OPN3: variants seen among roughly 807,000 people sequenced by gnomAD.
The protein encoded by OPN3 is opsin-3.
Under a neutral mutation model 33.8 loss-of-function variants are expected in OPN3, and 29 were observed. The observed-to-expected ratio is 0.86, with a 90% CI of 0.64 to 1.17. OPN3 has a LOEUF of 1.17. OPN3 is among the 50% of genes most tolerant of loss of function. The pLI, the probability that OPN3 is intolerant of heterozygous loss-of-function variation, is 0.00. For missense variants in OPN3, 437 were observed against 514.1 expected (o/e 0.85, Z 1.45); for synonymous variants, 216 against 216.1 (o/e 1.00, Z 0.00).
chr1:241,633,662 G>T, intron 1 of OPN3: 1 of 891,584 alleles, frequency 1.1e-6, no homozygotes. Flanking sequence ...ATGTCTGAGA[G>T]TTAAAGACAA....
intron 1 of OPN3, among the ~76,000 whole-genome samples, chr1:241,627,378 C>T (rs1307182828): frequency 6.6e-6 from 1 of 152,208 alleles, no homozygotes; most frequent in East Asian, 1.9e-4. Flanking sequence ...GCAAGCAAAG[C>T]GAAACAGTAG....
At chr1:241,621,541 A>C (rs927200197) in intron 1 of OPN3, among the ~76,000 whole-genome samples, 3 of 152,192 alleles carry the variant, frequency 2.0e-5, no homozygotes, top group Non-Finnish European at 4.4e-5. Context: ...CCTCAGAAGC[A>C]GCAGTGATAT....
chr1:241,612,666 T>G (rs1295606953), intron 1 of OPN3, among the ~76,000 whole-genome samples: 1 of 152,196 alleles, frequency 6.6e-6, no homozygotes, highest in East Asian at 1.9e-4. Flanking sequence ...CCTTAACTGC[T>G]CTATGGATAA....
chr1:241,594,064 C>T lies in OPN3; in HGVS notation c.*364G>A, dbSNP rs113897665. 2.0e-3 allele frequency: 453 copies of T among 230,076 alleles called. 1 individual carries two copies. Among genetic ancestry groups the T allele is most frequent in the African/African-American group, 8.5e-3 (369 of 43,236 alleles). The allele number at this position is 230,076 out of a possible 1,614,324, so 14.3% of individuals were successfully genotyped here. Reference sequence around the variant, plus strand: ...TCTAGCTACTTCACACATGTGTACGCGACAGTTATTTTTACAGTAAGGTAT... The same window carrying T: ...TCTAGCTACTTCACACATGTGTACGTGACAGTTATTTTTACAGTAAGGTAT... On this transcript the variant is annotated 3_prime_UTR_variant, in exon 4 of 4. Coordinates refer to ENST00000366554, the MANE Select transcript of OPN3 (RefSeq NM_014322.3).
intron 2 of OPN3, 124 bp downstream of exon 2, chr1:241,604,136 C>T: frequency 1.3e-6 from 1 of 786,792 alleles, no homozygotes; most frequent in Non-Finnish European, 2.1e-6. Context: ...GATGGGAAGT[C>T]CCCTAGAACT....
chr1:241,600,055 G>A (rs985077323), intron 2 of OPN3, among the ~76,000 whole-genome samples: 9 of 152,068 alleles, frequency 5.9e-5, no homozygotes, highest in African/African-American at 1.7e-4. Context: ...AGGTCCAATC[G>A]TTTTATCTGT....
At chr1:241,624,392 G>A (rs1326080881) in intron 1 of OPN3, among the ~76,000 whole-genome samples, 1 of 152,178 alleles carries the variant, frequency 6.6e-6, no homozygotes, top group Non-Finnish European at 1.5e-5. Flanking sequence ...TTCCTACATG[G>A]GGTGTTGTTC....
intron 1 of OPN3, among the ~76,000 whole-genome samples, chr1:241,610,626 A>T (rs2148006345): frequency 6.6e-6 from 1 of 152,360 alleles, no homozygotes; most frequent in Non-Finnish European, 1.5e-5. Flanking sequence ...CATGTCATAC[A>T]CATACTGTGT....
chr1:241,599,907 T>A (rs1663635904), intron 2 of OPN3, among the ~76,000 whole-genome samples: 2 of 152,206 alleles, frequency 1.3e-5, no homozygotes, highest in African/African-American at 4.8e-5. Flanking sequence ...GAACTAGATA[T>A]GAGACTAACA....
Position 241,640,052 on chromosome 1 carries a change from T to C in OPN3, c.203A>G (p.Lys68Arg). Reference sequence around the variant, plus strand: ...AGTGGGAGTGCGGAGCCGCTGGAACTTGTAGTAGAGGACGAGCACCAGCAG... The same window carrying C: ...AGTGGGAGTGCGGAGCCGCTGGAACCTGTAGTAGAGGACGAGCACCAGCAG... ...NNLLVLVLYY[K>R]FQRLRTPTHL... Residue 68 changes from lysine (K) to arginine (R), a missense_variant, in exon 1 of 4, where the codon AAG (lysine) becomes AGG (arginine). Physicochemically the swap from Lys to Arg is conservative, Grantham distance 26. Coordinates refer to ENST00000366554, the MANE Select transcript of OPN3 (RefSeq NM_014322.3). 1 of 1,612,710 alleles carries C rather than the reference T, an allele frequency of 6.2e-7. No individual in the cohort carries two copies. Among genetic ancestry groups the C allele is most frequent in the Non-Finnish European group, 8.5e-7 (1 of 1,179,484 alleles).
At chr1:241,635,254 A>T (rs1266545414) in intron 1 of OPN3, 10 of 1,613,878 alleles carry the variant, frequency 6.2e-6, no homozygotes, top group Middle Eastern at 1.7e-4. Flanking sequence ...ATTCCTCTAC[A>T]TCAGTTACTT....
chr1:241,606,588 A>C (rs1663838281), intron 1 of OPN3, among the ~76,000 whole-genome samples: 1 of 133,772 alleles, frequency 7.5e-6, no homozygotes, highest in Non-Finnish European at 1.6e-5. Context: ...TAAATAAATA[A>C]AATAAATAAA....
intron 1 of OPN3, among the ~76,000 whole-genome samples, chr1:241,611,266 G>C (rs1663983701): frequency 6.6e-6 from 1 of 151,988 alleles, no homozygotes; most frequent in African/African-American, 2.4e-5. Context: ...AAACAGAAGA[G>C]CGTGCTTCAA....
chr1:241,614,380 G>A (rs571353597), intron 1 of OPN3, among the ~76,000 whole-genome samples: 39 of 152,228 alleles, frequency 2.6e-4, no homozygotes, highest in Non-Finnish European at 3.5e-4. Flanking sequence ...TTAAAATGCT[G>A]CACTGTTGTT....
At chr1:241,623,453 ATC>A (rs1664321993) in intron 1 of OPN3, among the ~76,000 whole-genome samples, 1 of 152,142 alleles carries the variant, frequency 6.6e-6, no homozygotes, top group South Asian at 2.1e-4. Context: ...AGCAAATGCA[ATC>A]TGTTTCCTTA....
At chr1:241,635,876 A>G in intron 1 of OPN3, 1 of 1,101,806 alleles carries the variant, frequency 9.1e-7, no homozygotes, top group Non-Finnish European at 1.3e-6. Flanking sequence ...GAAGCACTGA[A>G]GTTGCAGGTC....
chr1:241,615,105 TG>T (rs1213118649), intron 1 of OPN3, among the ~76,000 whole-genome samples: 1 of 151,572 alleles, frequency 6.6e-6, no homozygotes, highest in African/African-American at 2.4e-5. Context: ...CCAGAGTCTA[TG>T]GGCTGAGTGG....
intron 1 of OPN3, among the ~76,000 whole-genome samples, chr1:241,626,988 T>C (rs143631585): frequency 1.0e-3 from 154 of 152,346 alleles, no homozygotes; most frequent in Non-Finnish European, 1.9e-3. Context: ...CCTGCACCTC[T>C]GAATCCAGTC....
intron 1 of OPN3, 120 bp from the exon 2 acceptor site, chr1:241,604,699 C>T (rs1290868690): frequency 1.1e-6 from 1 of 879,532 alleles, no homozygotes; most frequent in East Asian, 2.6e-5. Context: ...AGAGTGCTCT[C>T]AAAGCCAAGA....
Sources: allele counts gnomAD v4.1 joint callset (sites outside exome capture counted in the v4.1 genomes callset), GRCh38; gene constraint gnomAD v4.1.1; transcripts MANE v1.5; gene names NCBI Gene and HGNC (gene_info 2026-07-23, HGNC 2026-07-21).